The following XYLT1 variants were observed in gnomAD, a reference collection of about 807,000 sequenced individuals.
XYLT1 encodes the protein xylosyltransferase 1.
Under a neutral mutation model 91.3 loss-of-function variants are expected in XYLT1, and 36 were observed. That is an observed-to-expected ratio of 0.39 (90% confidence interval 0.30 to 0.52). The LOEUF is 0.52. Among genes scored for constraint, XYLT1 ranks in the 20% least tolerant of loss-of-function variants. The pLI is 0.68. For missense variants in XYLT1, 1,242 were observed against 1,284.5 expected, an observed-to-expected ratio of 0.97 and a Z score of 0.51; for synonymous variants, 588 against 532.0, an observed-to-expected ratio of 1.11 and a Z score of -1.45.
intron 10 of XYLT1, among the ~76,000 whole-genome samples, chr16:17,125,036 G>A (rs186109839): frequency 6.6e-6 from 1 of 151,926 alleles, no homozygotes; most frequent in African/African-American, 2.4e-5. Flanking sequence ...CCTTTCTCTG[G>A]TGCCTCCTTA....
intron 5 of XYLT1, among the ~76,000 whole-genome samples, chr16:17,183,337 G>A (rs1274641469): frequency 6.6e-6 from 1 of 152,162 alleles, no homozygotes; most frequent in African/African-American, 2.4e-5. Flanking sequence ...CTGCCTCCTG[G>A]ATTCTCATCC....
intron 1 of XYLT1, among the ~76,000 whole-genome samples, chr16:17,358,870 C>T (rs1443703299): frequency 6.6e-6 from 1 of 152,140 alleles, no homozygotes. Context: ...TTGAGGAGCA[C>T]ATTCCATGGT....
chr16:17,249,386 GTGAGGGCAAGAC>G, intron 3 of XYLT1, among the ~76,000 whole-genome samples: 1 of 152,182 alleles, frequency 6.6e-6, no homozygotes, highest in Non-Finnish European at 1.5e-5. Context: ...TTCTTTCCCA[GTGAGGGCAAGAC>G]TGAGGATTAT....
At chr16:17,468,900 G>A (rs1389872993) in intron 1 of XYLT1, among the ~76,000 whole-genome samples, 3 of 152,168 alleles carry the variant, frequency 2.0e-5, no homozygotes, top group Admixed American at 2.0e-4. Context: ...ACTTCTAATT[G>A]CATTTCTGCG....
chr16:17,464,970 C>A (rs928525132), intron 1 of XYLT1, among the ~76,000 whole-genome samples: 1 of 151,518 alleles, frequency 6.6e-6, no homozygotes, highest in Admixed American at 6.6e-5. Flanking sequence ...CATGGTGAAA[C>A]CCTGTCTCTA....
intron 2 of XYLT1, among the ~76,000 whole-genome samples, chr16:17,265,910 G>A (rs750072790): frequency 1.3e-5 from 2 of 152,168 alleles, no homozygotes; most frequent in Non-Finnish European, 2.9e-5. Context: ...CTGGGTACTA[G>A]TATTGCATTA....
At chr16:17,252,839 T>C (rs2033562931) in intron 3 of XYLT1, among the ~76,000 whole-genome samples, 2 of 152,154 alleles carry the variant, frequency 1.3e-5, no homozygotes, top group South Asian at 4.1e-4. Context: ...AGGAATTGTT[T>C]CCTTAATTAT....
intron 2 of XYLT1, among the ~76,000 whole-genome samples, chr16:17,328,079 G>A (rs775880556): frequency 6.6e-6 from 1 of 152,048 alleles, no homozygotes; most frequent in Non-Finnish European, 1.5e-5. Context: ...CACAGACCAC[G>A]TAACCTCCCT....
At chr16:17,277,751 C>T (rs563807807) in intron 2 of XYLT1, among the ~76,000 whole-genome samples, 1 of 152,262 alleles carries the variant, frequency 6.6e-6, no homozygotes, top group Admixed American at 6.5e-5. Flanking sequence ...CAAGTGAGAA[C>T]ATGTGGTATG....
chr16:17,380,086 G>T (rs1249799535), intron 1 of XYLT1, among the ~76,000 whole-genome samples: 1 of 152,046 alleles, frequency 6.6e-6, no homozygotes, highest in Non-Finnish European at 1.5e-5. Context: ...TCGGGAGTTC[G>T]AGACCAGCCT....
intron 3 of XYLT1, among the ~76,000 whole-genome samples, chr16:17,254,313 T>A (rs1337849598): frequency 6.6e-6 from 1 of 152,188 alleles, no homozygotes; most frequent in Non-Finnish European, 1.5e-5. Context: ...ATGATCCACT[T>A]CCACTTAATG....
intron 1 of XYLT1, among the ~76,000 whole-genome samples, chr16:17,452,217 C>T (rs1157739476): frequency 1.3e-5 from 2 of 152,064 alleles, no homozygotes; most frequent in East Asian, 1.9e-4. Flanking sequence ...TTAATACTAT[C>T]GTGTTTGCAT....
intron 2 of XYLT1, among the ~76,000 whole-genome samples, chr16:17,304,384 C>T (rs1427110516): frequency 6.6e-6 from 1 of 152,116 alleles, no homozygotes; most frequent in East Asian, 1.9e-4. Context: ...CCTTCCTCCC[C>T]AAAGCTGTTG....
chr16:17,372,575 G>A (rs1317039425), intron 1 of XYLT1, among the ~76,000 whole-genome samples: 1 of 152,200 alleles, frequency 6.6e-6, no homozygotes, highest in Non-Finnish European at 1.5e-5. Context: ...TCGAATTCAG[G>A]ACCAAGGACA....
rs565721226 is a variant in XYLT1, at chr16:17,357,058, T to TC, written c.402+953dup. ...CGGGCGTGGCAGCGTGCGCCTGTAG[T>TC]CCCAGCTGCTGGGGAGGCTGAGACA... On this transcript the variant is annotated intron_variant, in intron 2 of 11. Coordinates refer to ENST00000261381, the MANE Select transcript of XYLT1 (RefSeq NM_022166.4). 3.1e-4 allele frequency among the ~76,000 whole-genome samples: 46 copies of TC among 150,076 alleles called. 1 individual carries two copies. The South Asian group carries it at 8.9e-3, about 29-fold the overall frequency.
chr16:17,196,262 C>CCTTGG, intron 5 of XYLT1, among the ~76,000 whole-genome samples: 1 of 152,286 alleles, frequency 6.6e-6, no homozygotes, highest in East Asian at 1.9e-4. Flanking sequence ...CATGCTTGTA[C>CCTTGG]CTTGTTTGGG....
At chr16:17,285,000 G>A (rs757522996) in intron 2 of XYLT1, among the ~76,000 whole-genome samples, 6 of 152,164 alleles carry the variant, frequency 3.9e-5, no homozygotes, top group Non-Finnish European at 7.3e-5. Flanking sequence ...AGGAGAGCAT[G>A]CCAGATCTGA....
In XYLT1 at chr16:17,448,636, AC is replaced by A. The variant is rs953339249; in HGVS notation, c.363+21797del. On this transcript the variant is annotated intron_variant, in intron 1 of 11. Coordinates refer to ENST00000261381, the MANE Select transcript of XYLT1 (RefSeq NM_022166.4). ...CCCTCATCCAATTCCTCCTCCTCCT[AC>A]AAGAATCAACAGTAATAATAATAAT... Among the ~76,000 whole-genome samples the A allele has an allele frequency of 3.5e-4, 52 of 149,184 alleles. 1 individual carries two copies. The highest frequency in any genetic ancestry group is 1.2e-3 in the African/African-American group (50 of 41,222).
intron 1 of XYLT1, among the ~76,000 whole-genome samples, chr16:17,453,533 T>C (rs1381660982): frequency 6.6e-6 from 1 of 152,240 alleles, no homozygotes; most frequent in Non-Finnish European, 1.5e-5. Context: ...CACAGGATCC[T>C]GCATTTCTAA....
Sources: allele counts gnomAD v4.1 joint callset (sites outside exome capture counted in the v4.1 genomes callset), GRCh38; gene constraint gnomAD v4.1.1; transcripts MANE v1.5; gene names NCBI Gene and HGNC (gene_info 2026-07-23, HGNC 2026-07-21).